The following PDZD2 variants were observed in gnomAD, a reference collection of about 807,000 sequenced individuals.
PDZD2 encodes the protein PDZ domain containing 2, also known as PDZ domain-containing protein 2.
In PDZD2, 90 loss-of-function variants were observed where a neutral mutation model predicts 220.7. That is an observed-to-expected ratio of 0.41 (90% CI 0.34 to 0.49). The LOEUF is 0.49. Among genes scored for constraint, PDZD2 ranks in the 20% least tolerant of loss-of-function variants. The pLI is 0.28. For synonymous variants in PDZD2, 1,375 were observed against 1,450.5 expected (o/e 0.95, Z 1.18); for missense variants, 3,174 against 3,608.5 (o/e 0.88, Z 3.08).
chr5:31,988,920 A>T (rs1238014851), intron 3 of PDZD2, among the ~76,000 whole-genome samples: 1 of 152,134 alleles, frequency 6.6e-6, no homozygotes, highest in East Asian at 1.9e-4. Context: ...CTGCTCTGTC[A>T]TTAGCCATCT....
At chr5:31,654,490 G>A (rs79504362) in intron 1 of PDZD2, among the ~76,000 whole-genome samples, 10 of 151,908 alleles carry the variant, frequency 6.6e-5, no homozygotes, top group South Asian at 4.2e-4. Context: ...AATGTTATCC[G>A]TAAGCCGAGA....
chr5:31,963,439 G>A (rs570608580), intron 2 of PDZD2, among the ~76,000 whole-genome samples: 2 of 152,340 alleles, frequency 1.3e-5, no homozygotes, highest in South Asian at 4.2e-4. Context: ...AGAACAGGGT[G>A]GGTGCTGGGA....
At chr5:31,753,503 G>A (rs967326380) in intron 1 of PDZD2, among the ~76,000 whole-genome samples, 2 of 152,298 alleles carry the variant, frequency 1.3e-5, no homozygotes, top group Admixed American at 1.3e-4. Context: ...AGGAGGCTGA[G>A]GCACAAGAAT....
At chr5:31,689,351 A>ATTTTTTTTTCT (rs1288275783) in intron 1 of PDZD2, among the ~76,000 whole-genome samples, 3 of 28,186 alleles carry the variant, frequency 1.1e-4, no homozygotes, top group Admixed American at 4.5e-4. Flanking sequence ...ATATATATAT[A>ATTTTTTTTTCT]TATTTTTTTT....
chr5:32,044,418 A>G (rs1045400221), intron 7 of PDZD2, among the ~76,000 whole-genome samples: 1 of 152,176 alleles, frequency 6.6e-6, no homozygotes, highest in Admixed American at 6.5e-5. Flanking sequence ...CATGAGGCAC[A>G]TACGAGAGGT....
At chr5:31,908,545 A>T in intron 2 of PDZD2, 1 of 1,021,442 alleles carries the variant, frequency 9.8e-7, no homozygotes, top group Non-Finnish European at 1.5e-6. Flanking sequence ...CACGGAAAGC[A>T]CAGTAATGGC....
rs781416607 is a variant in PDZD2 at position 31,652,149 on chromosome 5, T to TTGTG, written c.-361+12715_-361+12716insGTGT. 8.1e-3 allele frequency among the ~76,000 whole-genome samples: 686 copies of TTGTG among 84,928 alleles called. 3 individuals are homozygous for TTGTG. The highest frequency in any genetic ancestry group is 0.015 in the Middle Eastern group (3 of 196). The allele number at this position is 84,928 out of a possible 152,430, so 55.7% of individuals were successfully genotyped here. ...TCTGGCCTGGGTTTTTTTTTGTTTT[T>TTGTG]TGTTTGTTTGTTTGTTTGTTTGTTT... On this transcript the variant is annotated intron_variant, in intron 1 of 24. Transcript: ENST00000438447.
chr5:32,088,726 T>C lies in PDZD2; in HGVS notation c.5278T>C (p.Phe1760Leu). ...TAATGCAGCTGCCAGTCTGTCCTCC[T>C]TCAGTGTGGATGTCCCTAAGAATGG... ...SINAAASLSSFSVDVPKNGES... is the reference protein window; with the variant it reads ...SINAAASLSSLSVDVPKNGES... The change falls in exon 20 of 25, where the codon TTC (phenylalanine) becomes CTC (leucine). Residue 1760 changes from phenylalanine to leucine, a missense_variant. Physicochemically the swap from Phe to Leu is conservative, Grantham distance 22. Transcript: ENST00000438447. This position sits in a 1 kb window ranked among gnomAD's most constrained non-coding sequence, Gnocchi z 4.6. The C allele has an allele frequency of 6.2e-7, 1 of 1,614,130 alleles. No homozygotes were observed. Among genetic ancestry groups the C allele is most frequent in the Non-Finnish European group, 8.5e-7 (1 of 1,180,000 alleles).
chr5:32,058,035 C>A lies in PDZD2; in HGVS notation c.2132C>A (p.Ser711Tyr). ...GCGGGAGGTTCCGATGAAGGCAGTT[C>A]TTCATCCCTGGGTCGGAAGACCCCT... is the stretch of plus-strand genomic sequence containing the variant. ...ASAGGSDEGSSSSLGRKTPGP... is the reference protein window; with the variant it reads ...ASAGGSDEGSYSSLGRKTPGP... The change falls in exon 12 of 25, where the codon TCT becomes TAT. Residue 711 changes from serine to tyrosine, a missense_variant. Around this residue, in one of 4 missense-constraint regions of PDZD2, gnomAD observed 1,861 missense variants for 2,001.0 expected, o/e 0.93. Transcript: ENST00000438447. 2 of 1,613,174 alleles carry A rather than the reference C, an allele frequency of 1.2e-6. No individual in the cohort carries two copies. The highest frequency in any genetic ancestry group is 1.7e-6 in the Non-Finnish European group (2 of 1,179,162).
At chr5:31,846,994 C>A (rs891727159) in intron 2 of PDZD2, among the ~76,000 whole-genome samples, 13 of 152,056 alleles carry the variant, frequency 8.5e-5, no homozygotes, top group Non-Finnish European at 1.8e-4. Flanking sequence ...GGTTCACTTG[C>A]CTTTCTAAAA....
chr5:32,102,987 A>AAAAT (rs1453474022), intron 24 of PDZD2, among the ~76,000 whole-genome samples: 1 of 152,212 alleles, frequency 6.6e-6, no homozygotes, highest in African/African-American at 2.4e-5. Flanking sequence ...GTAAAAGTAA[A>AAAAT]AAATAGACTA....
Position 31,707,845 on chromosome 5 carries a change from C to T in PDZD2, c.-361+68408C>T, listed in dbSNP as rs569502890. Among the ~76,000 whole-genome samples the T allele has an allele frequency of 8.1e-4, 124 of 152,280 alleles. No individual in the cohort carries two copies. The South Asian group carries it at 8.7e-3, about 11-fold the overall frequency. ...GTTTCCCTATGTTGCCCAGGCTGGT[C>T]TCGAACTCCTGGCCTCAAGTGATCC... On this transcript the variant is annotated intron_variant, in intron 1 of 24. Coordinates refer to ENST00000438447, the MANE Select transcript of PDZD2 (RefSeq NM_178140.4).
chr5:31,977,900 G>C (rs1265150777), intron 2 of PDZD2, among the ~76,000 whole-genome samples: 2 of 152,182 alleles, frequency 1.3e-5, no homozygotes, highest in East Asian at 3.8e-4. Context: ...CTTGAACCTG[G>C]GAGGTGGAGG....
chr5:31,915,894 G>A (rs1057114542), intron 2 of PDZD2, among the ~76,000 whole-genome samples: 1 of 152,074 alleles, frequency 6.6e-6, no homozygotes, highest in African/African-American at 2.4e-5. Flanking sequence ...ATCTTTTATT[G>A]GGAGCCTTTT....
chr5:32,003,452 CA>C (rs1561319017), intron 5 of PDZD2, among the ~76,000 whole-genome samples: 1 of 107,296 alleles, frequency 9.3e-6, no homozygotes. Context: ...ACACTCCCCC[CA>C]ACACACACCC....
Position 32,089,876 on chromosome 5 carries a change from A to G in PDZD2, c.6428A>G (p.His2143Arg). The G allele has an allele frequency of 1.2e-6, 2 of 1,613,132 alleles. No individual in the cohort carries two copies. Among genetic ancestry groups the G allele is most frequent in the Non-Finnish European group, 1.7e-6 (2 of 1,179,378 alleles). ...YRQVAESSTS[H>R]PSSLPSHASQ... ...CAGGTCGCAGAATCATCCACAAGTC[A>G]TCCATCCTCACTCCCATCTCATGCC... Residue 2143 changes from histidine to arginine, a missense_variant, in exon 20 of 25, where the codon CAT becomes CGT. This residue lies in a region of PDZD2 where 1,861 missense variants were observed against 2,001.0 expected (regional missense o/e 0.93). Transcript: ENST00000438447.
intron 2 of PDZD2, among the ~76,000 whole-genome samples, chr5:31,964,315 G>A (rs921527472): frequency 1.3e-5 from 2 of 152,216 alleles, no homozygotes; most frequent in African/African-American, 4.8e-5. Context: ...CCTCCTGTAG[G>A]TAGATGAGCC....
intron 1 of PDZD2, among the ~76,000 whole-genome samples, chr5:31,753,513 T>C (rs1428395493): frequency 6.6e-6 from 1 of 152,166 alleles, no homozygotes; most frequent in Admixed American, 6.5e-5. Flanking sequence ...GGCACAAGAA[T>C]TGCTTGAATC....
intron 2 of PDZD2, among the ~76,000 whole-genome samples, chr5:31,947,493 A>G (rs1279166454): frequency 6.6e-6 from 1 of 152,212 alleles, no homozygotes; most frequent in Non-Finnish European, 1.5e-5. Flanking sequence ...TATAAAATAA[A>G]GATAAATCTA....
Sources: allele counts gnomAD v4.1 joint callset (sites outside exome capture counted in the v4.1 genomes callset), GRCh38; gene constraint gnomAD v4.1.1; regional missense constraint gnomAD v4.1.1; non-coding constraint Gnocchi (gnomAD v3.1); transcripts MANE v1.5; gene names NCBI Gene and HGNC (gene_info 2026-07-23, HGNC 2026-07-21).